Variants in FER observed in about 807,000 individuals in gnomAD.
The protein encoded by FER is FER tyrosine kinase.
A neutral mutation model predicts 111.0 loss-of-function variants in FER; 63 were observed. The ratio of observed to expected loss-of-function variants is 0.57; its 90% CI spans 0.46 to 0.70. The LOEUF (loss-of-function observed/expected upper bound fraction) is 0.70, where lower values mean the gene tolerates loss of function less well. FER is among the 30% of genes least tolerant of loss of function. The probability of loss-of-function intolerance (pLI) is 0.00; values close to 1 mark genes in which losing one functional copy is unlikely to be tolerated. For missense variants in FER, 914 were observed against 954.0 expected, an observed-to-expected ratio of 0.96 and a Z score of 0.55; for synonymous variants, 327 against 313.9, an observed-to-expected ratio of 1.04 and a Z score of -0.44.
chr5:109,072,028 A>G (rs923876388), intron 16 of FER, among the ~76,000 whole-genome samples: 2 of 151,902 alleles, frequency 1.3e-5, no homozygotes, highest in Admixed American at 6.6e-5. Context: ...ATACAGAAAT[A>G]TAAATCAGAA....
In FER at chr5:109,196,611, AC is replaced by A. The variant is rs1006312989; in HGVS notation, c.*9037del. On this transcript the variant is annotated 3_prime_UTR_variant, in exon 20 of 20. Transcript: ENST00000281092. ...ATTTTTACTCAGATCTGTATTTAAC[AC>A]TTATTTATTTGTTAGTTTTTACATT... The A allele has an allele frequency of 1.3e-5, 2 of 152,064 alleles. No homozygotes were observed. Among genetic ancestry groups the A allele is most frequent in the Non-Finnish European group, 2.9e-5 (2 of 68,018 alleles). 9.4% of individuals were successfully genotyped at this position (152,064 alleles called of 1,614,324 possible). A position where few individuals can be genotyped will look rare whatever the true frequency, so the allele number is the denominator to read the frequency against.
chr5:108,890,083 CT>C, intron 9 of FER, among the ~76,000 whole-genome samples: 1 of 152,082 alleles, frequency 6.6e-6, no homozygotes, highest in South Asian at 2.1e-4. Flanking sequence ...TCATGTTGTA[CT>C]TTTAGCCACA....
intron 17 of FER, among the ~76,000 whole-genome samples, 166 bp from the exon 18 acceptor site, chr5:109,180,581 G>GT (rs907645356): frequency 1.3e-5 from 2 of 152,300 alleles, no homozygotes; most frequent in Non-Finnish European, 2.9e-5. Flanking sequence ...TCTCATGGAT[G>GT]TTTTTTACCT....
intron 13 of FER, among the ~76,000 whole-genome samples, chr5:108,985,169 A>AGAGT (rs1762425324): frequency 6.6e-6 from 1 of 152,162 alleles, no homozygotes; most frequent in Admixed American, 6.5e-5. Context: ...AGGTCACATG[A>AGAGT]GAGTGACTAA....
At chr5:109,124,903 A>G (rs10477952) in intron 17 of FER, among the ~76,000 whole-genome samples, 28,667 of 151,722 alleles carry the variant, frequency 0.19, 2,858 homozygotes, top group Non-Finnish European at 0.22. Flanking sequence ...AAAATTAGCC[A>G]GGCGTAGTGG....
intron 10 of FER, among the ~76,000 whole-genome samples, chr5:108,938,396 G>T (rs188377160): frequency 2.0e-5 from 3 of 152,096 alleles, no homozygotes; most frequent in Admixed American, 2.0e-4. Flanking sequence ...GTTTGAAATG[G>T]TTGACAATGA....
Position 108,956,942 on chromosome 5 carries a change from C to T in FER, c.1533+2010C>T, listed in dbSNP as rs142879477. Among the ~76,000 whole-genome samples the T allele has an allele frequency of 2.0e-4, 30 of 151,510 alleles. No individual in the cohort carries two copies. The East Asian group carries it at 5.4e-3, about 27-fold the overall frequency. Reference sequence around the variant, plus strand: ...TTCTAATGAAGGAGTTTATATTATACGAGCTGTAAGTAAATGAGTCAACAA... The same window carrying T: ...TTCTAATGAAGGAGTTTATATTATATGAGCTGTAAGTAAATGAGTCAACAA... On this transcript the variant is annotated intron_variant, in intron 12 of 19. Coordinates refer to ENST00000281092, the MANE Select transcript of FER (RefSeq NM_005246.4).
chr5:108,937,049 G>T lies in FER; in HGVS notation c.1237-9081G>T, dbSNP rs753128572. On this transcript the variant is annotated intron_variant, in intron 10 of 19. Coordinates refer to ENST00000281092, the MANE Select transcript of FER (RefSeq NM_005246.4). ...ATTTTTTTCTTATGTGTCATTTGAG[G>T]TTTCTTAGCACAAAACAATAGTTCA... is the stretch of plus-strand genomic sequence containing the variant. Among the ~76,000 whole-genome samples the T allele has an allele frequency of 4.0e-4, 60 of 151,888 alleles. 1 individual carries two copies. Among genetic ancestry groups the T allele is most frequent in the Non-Finnish European group, 6.8e-4 (46 of 67,862 alleles).
chr5:109,191,599 A>G lies in FER; in HGVS notation c.*4024A>G, dbSNP rs1214799606. On this transcript the variant is annotated 3_prime_UTR_variant, in exon 20 of 20. Transcript: ENST00000281092. ...CTTTAGGTATTAATATCTTAATTAA[A>G]TGGAATCAGATTTTGTATGGAAATG... 1 of 152,198 alleles carries G rather than the reference A, an allele frequency of 6.6e-6. No homozygotes were observed. Among genetic ancestry groups the G allele is most frequent in the East Asian group, 1.9e-4 (1 of 5,206 alleles). The allele number at this position is 152,198 out of a possible 1,614,324, so 9.4% of individuals were successfully genotyped here. A position where few individuals can be genotyped will look rare whatever the true frequency, so the allele number is the denominator to read the frequency against.
intron 4 of FER, among the ~76,000 whole-genome samples, chr5:108,834,734 T>C (rs1039157416): frequency 3.3e-5 from 5 of 152,030 alleles, no homozygotes. Flanking sequence ...GTATCAGACT[T>C]TTACCAAATA....
intron 13 of FER, among the ~76,000 whole-genome samples, chr5:108,965,177 G>A (rs1426887358): frequency 6.6e-6 from 1 of 152,052 alleles, no homozygotes; most frequent in Non-Finnish European, 1.5e-5. Context: ...TTCTTTTTAG[G>A]AAATTTATCA....
rs1581433925 is a variant in FER, at chr5:108,967,282, G to A, written c.1656+7935G>A. Among the ~76,000 whole-genome samples, 5 of 152,142 alleles carry A rather than the reference G, an allele frequency of 3.3e-5. No homozygotes were observed. The South Asian group carries it at 1.0e-3, about 31-fold the overall frequency. On this transcript the variant is annotated intron_variant, in intron 13 of 19. Transcript: ENST00000281092. ...GAATAATTTTATTGAGCAACAAAAC[G>A]GCTCTCAGCAGAGAGGGGACATGAG...
intron 1 of FER, among the ~76,000 whole-genome samples, chr5:108,756,031 G>A (rs1445395017): frequency 6.6e-6 from 1 of 150,750 alleles, no homozygotes; most frequent in Non-Finnish European, 1.5e-5. Context: ...GCACGCACCT[G>A]TAATCCCAGC....
At chr5:108,823,845 A>G (rs1319746655) in intron 3 of FER, among the ~76,000 whole-genome samples, 1 of 152,144 alleles carries the variant, frequency 6.6e-6, no homozygotes, top group African/African-American at 2.4e-5. Context: ...TCAAAAAATC[A>G]TTGCCAACAG....
At chr5:109,076,946 G>A (rs1363969568) in intron 16 of FER, among the ~76,000 whole-genome samples, 1 of 152,136 alleles carries the variant, frequency 6.6e-6, no homozygotes, top group African/African-American at 2.4e-5. Context: ...TAAGCCTGAG[G>A]CCCTATGGCC....
At position 109,033,743 on chromosome 5, in the gene FER, T is replaced by A. The variant is rs568466570; in HGVS notation, c.1657-3679T>A. On this transcript the variant is annotated intron_variant, in intron 13 of 19. Transcript: ENST00000281092. ...CCTCTCTATCAACACTTCTGCAGAC[T>A]ATCCACAAATTCTGATCAAAATAGT... 1.1e-4 allele frequency among the ~76,000 whole-genome samples: 16 copies of A among 152,298 alleles called. No homozygotes were observed. In the South Asian group the frequency reaches 3.3e-3, roughly 32 times the overall value.
chr5:109,187,788 A>G lies in FER; in HGVS notation c.*213A>G, dbSNP rs1032724589. On this transcript the variant is annotated 3_prime_UTR_variant, in exon 20 of 20. Transcript: ENST00000281092. ...AGGCAGTCCTACCAAGGGCTTTCTT[A>G]GCTAACCATAGCAATCCTACCATTT... 1.8e-6 allele frequency: 1 copy of G among 564,704 alleles called. No homozygotes were observed. Among genetic ancestry groups the G allele is most frequent in the Non-Finnish European group, 3.1e-6 (1 of 322,184 alleles). The allele number at this position is 564,704 out of a possible 1,614,324, so 35.0% of individuals were successfully genotyped here.
At chr5:109,148,896 A>G (rs1232649005) in intron 17 of FER, among the ~76,000 whole-genome samples, 1 of 152,156 alleles carries the variant, frequency 6.6e-6, no homozygotes, top group Non-Finnish European at 1.5e-5. Flanking sequence ...TAGAAAGATC[A>G]TCAAATAAAG....
intron 5 of FER, among the ~76,000 whole-genome samples, chr5:108,854,861 C>G (rs1411208915): frequency 6.7e-6 from 1 of 148,274 alleles, no homozygotes; most frequent in Non-Finnish European, 1.5e-5. Flanking sequence ...CCAGAATTGC[C>G]TGACCCAGGA....
Sources: allele counts gnomAD v4.1 joint callset (sites outside exome capture counted in the v4.1 genomes callset), GRCh38; gene constraint gnomAD v4.1.1; transcripts MANE v1.5; gene names NCBI Gene and HGNC (gene_info 2026-07-23, HGNC 2026-07-21).